LRRTM1: variants seen among roughly 807,000 people sequenced by gnomAD.
The protein encoded by LRRTM1 is leucine-rich repeat transmembrane neuronal protein 1.
A neutral mutation model predicts 37.3 loss-of-function variants in LRRTM1; 8 were observed. The ratio of observed to expected loss-of-function variants is 0.21; its 90% CI spans 0.13 to 0.39. The LOEUF (loss-of-function observed/expected upper bound fraction) is 0.39, where lower values mean the gene tolerates loss of function less well. Ranked by LOEUF, LRRTM1 falls within the 10% of genes least tolerant of loss-of-function variation. LRRTM1 has a pLI of 1.00. For synonymous variants in LRRTM1, 326 were observed against 316.8 expected, an observed-to-expected ratio of 1.03 and a Z score of -0.31; for missense variants, 557 against 691.0, an observed-to-expected ratio of 0.81 and a Z score of 2.17.
At chr2:80,296,253 T>C (rs778414267) in intron 2 of LRRTM1, among the ~76,000 whole-genome samples, 6 of 152,110 alleles carry the variant, frequency 3.9e-5, no homozygotes, top group Non-Finnish European at 8.8e-5. Flanking sequence ...ACAGTTTTGG[T>C]TGGGGAAGAA....
intron 2 of LRRTM1, among the ~76,000 whole-genome samples, chr2:80,290,702 A>G (rs1273290243): frequency 6.6e-6 from 1 of 152,146 alleles, no homozygotes; most frequent in Non-Finnish European, 1.5e-5. Context: ...CCCAAAAATT[A>G]GTACAATTTA....
chr2:80,297,483 T>G (rs1221125913), downstream of LRRTM1, among the ~76,000 whole-genome samples: 1 of 152,092 alleles, frequency 6.6e-6, no homozygotes, highest in Non-Finnish European at 1.5e-5. Context: ...TCCATCTCAT[T>G]TATATCTTTG....
Position 80,303,980 on chromosome 2 carries a change from A to C in LRRTM1, c.-59-102T>G. The C allele has an allele frequency of 1.3e-6, 1 of 793,686 alleles. No homozygotes were observed. Among genetic ancestry groups the C allele is most frequent in the Non-Finnish European group, 1.9e-6 (1 of 536,268 alleles). The allele number at this position is 793,686 out of a possible 1,614,324, so 49.2% of individuals were successfully genotyped here. ...AAATAAAGAAGGACCCCCCTCCCCA[A>C]AAACCACACGTTCACCTCTAAGCAT... On this transcript the variant is annotated intron_variant, in intron 1 of 1. Coordinates refer to ENST00000295057, the MANE Select transcript of LRRTM1 (RefSeq NM_178839.5). This position sits in a 1 kb window ranked among gnomAD's most constrained non-coding sequence, Gnocchi z 7.7.
downstream of LRRTM1, among the ~76,000 whole-genome samples, chr2:80,300,867 T>C (rs548881832): frequency 1.2e-3 from 179 of 151,972 alleles, no homozygotes; most frequent in Non-Finnish European, 2.1e-3. Context: ...CCTCACTCTT[T>C]AGTTCAATAG....
chr2:80,290,150 GA>G (rs1675112159), intron 2 of LRRTM1, among the ~76,000 whole-genome samples: 1 of 152,138 alleles, frequency 6.6e-6, no homozygotes, highest in Admixed American at 6.5e-5. Context: ...ATAGACAAGG[GA>G]ATTGAGGTAC....
At position 80,303,991 on chromosome 2, in the gene LRRTM1, T is replaced by C; in HGVS notation, c.-59-113A>G. On this transcript the variant is annotated intron_variant, in intron 1 of 1. Transcript: ENST00000295057. This position sits in a 1 kb window ranked among gnomAD's most constrained non-coding sequence, Gnocchi z 7.7. ...GACCCCCCTCCCCAAAAACCACACG[T>C]TCACCTCTAAGCATGCAGAAAGCTG... The C allele has an allele frequency of 1.4e-6, 1 of 692,892 alleles. No homozygotes were observed. Among genetic ancestry groups the C allele is most frequent in the Non-Finnish European group, 2.2e-6 (1 of 445,216 alleles). The allele number at this position is 692,892 out of a possible 1,614,324, so 42.9% of individuals were successfully genotyped here.
intron 2 of LRRTM1, among the ~76,000 whole-genome samples, chr2:80,296,224 T>C (rs1328107748): frequency 6.6e-6 from 1 of 152,158 alleles, no homozygotes; most frequent in Non-Finnish European, 1.5e-5. Flanking sequence ...TAGAGGTTCA[T>C]CACCACCTCA....
At position 80,302,299 on chromosome 2, in the gene LRRTM1, A is replaced by G. The variant is rs1676403759; in HGVS notation, c.1521T>C (p.Tyr507=). 2 of 1,614,152 alleles carry G rather than the reference A, an allele frequency of 1.2e-6. No homozygotes were observed. The highest frequency in any genetic ancestry group is 4.5e-5 in the East Asian group (2 of 44,876). The change falls in exon 2 of 2, where the codon TAT becomes TAC. Residue 507 remains tyrosine, a synonymous_variant. Coordinates refer to ENST00000295057, the MANE Select transcript of LRRTM1 (RefSeq NM_178839.5). This position sits in a 1 kb window ranked among gnomAD's most constrained non-coding sequence, Gnocchi z 6.4. ...GCTGCTGGTGGCAGGTACACGAGCCATACTCGTTGATGATCACCAGGGCTC... is the reference window on the plus strand; with the variant it reads ...GCTGCTGGTGGCAGGTACACGAGCCGTACTCGTTGATGATCACCAGGGCTC... ...IEGALVIINE[Y]GSCTCHQQPA... is the part of the protein sequence containing the mutation.
chr2:80,288,856 C>T (rs776898749), exon 3 of LRRTM1: 1 of 152,186 alleles, frequency 6.6e-6, no homozygotes, highest in Non-Finnish European at 1.5e-5. Context: ...CCCGGATAAA[C>T]CAGTGGAGCT....
intron 2 of LRRTM1, among the ~76,000 whole-genome samples, chr2:80,295,272 G>A (rs1675645342): frequency 6.7e-6 from 1 of 149,620 alleles, no homozygotes. Flanking sequence ...CCACATCCCT[G>A]TGTCTCAGGT....
intron 2 of LRRTM1, among the ~76,000 whole-genome samples, chr2:80,295,225 ATT>A (rs11371104): frequency 2.7e-5 from 4 of 147,140 alleles, no homozygotes; most frequent in Admixed American, 6.8e-5. Context: ...TCCTGAACAA[ATT>A]TTTTTTTTTT....
downstream of LRRTM1, among the ~76,000 whole-genome samples, chr2:80,301,356 G>T (rs899703732): frequency 1.3e-5 from 2 of 152,262 alleles, no homozygotes; most frequent in Non-Finnish European, 2.9e-5. Context: ...TTTAACAGGG[G>T]GTACAAGAAG....
intron 2 of LRRTM1, among the ~76,000 whole-genome samples, chr2:80,291,479 C>T (rs1033201703): frequency 6.6e-5 from 10 of 152,188 alleles, no homozygotes; most frequent in African/African-American, 2.2e-4. Context: ...AAGGGTCAAC[C>T]TCAGATGTGT....
chr2:80,299,064 G>A (rs1676011627), downstream of LRRTM1: 1 of 152,076 alleles, frequency 6.6e-6, no homozygotes, highest in South Asian at 2.1e-4. Flanking sequence ...AATCAGCTGG[G>A]AAGGTACTGC....
At chr2:80,301,191 A>G (rs1282368761), downstream of LRRTM1, among the ~76,000 whole-genome samples, 1 of 152,096 alleles carries the variant, frequency 6.6e-6, no homozygotes, top group African/African-American at 2.4e-5. Flanking sequence ...CTCATTCCCC[A>G]TAGAAACTAG....
At chr2:80,300,494 C>A (rs1676184750), downstream of LRRTM1, among the ~76,000 whole-genome samples, 1 of 152,058 alleles carries the variant, frequency 6.6e-6, no homozygotes, top group Non-Finnish European at 1.5e-5. Flanking sequence ...TCTGGTGATA[C>A]CATTCTGCAT....
downstream of LRRTM1, among the ~76,000 whole-genome samples, chr2:80,300,868 AG>A (rs1423461735): frequency 1.3e-5 from 2 of 151,808 alleles, no homozygotes; most frequent in African/African-American, 4.8e-5. Context: ...CTCACTCTTT[AG>A]TTCAATAGAA....
At position 80,301,953 on chromosome 2, in the gene LRRTM1, C is replaced by A; in HGVS notation, c.*298G>T. On this transcript the variant is annotated 3_prime_UTR_variant, in exon 2 of 2. Transcript: ENST00000295057. ...AAATCAATGATTGGTACCTTTTTTA[C>A]ACTCTCAGATTCCTGAATATGGACA... The A allele has an allele frequency of 7.4e-6, 2 of 269,756 alleles. No individual in the cohort carries two copies. The highest frequency in any genetic ancestry group is 6.9e-5 in the East Asian group (1 of 14,488). 16.7% of individuals were successfully genotyped at this position (269,756 alleles called of 1,614,324 possible). A position where few individuals can be genotyped will look rare whatever the true frequency, so the allele number is the denominator to read the frequency against.
chr2:80,301,624 G>T (rs909909008), downstream of LRRTM1, among the ~76,000 whole-genome samples: 19 of 152,162 alleles, frequency 1.2e-4, no homozygotes, highest in African/African-American at 4.6e-4. Flanking sequence ...CACTGTCCCT[G>T]CCCCAGTAAT....
Sources: allele counts gnomAD v4.1 joint callset (sites outside exome capture counted in the v4.1 genomes callset), GRCh38; gene constraint gnomAD v4.1.1; non-coding constraint Gnocchi (gnomAD v3.1); transcripts MANE v1.5; gene names NCBI Gene and HGNC (gene_info 2026-07-23, HGNC 2026-07-21).